Variants in COP1 observed in about 807,000 individuals in gnomAD.
COP1 encodes E3 ubiquitin-protein ligase COP1.
In COP1, 24 loss-of-function variants were observed where a neutral mutation model predicts 101.3. The ratio of observed to expected loss-of-function variants is 0.24; its 90% CI spans 0.17 to 0.33. COP1 has a LOEUF of 0.33. COP1 is among the 10% of genes least tolerant of loss of function. COP1 has a pLI of 1.00. For synonymous variants in COP1, 347 were observed against 341.9 expected (o/e 1.01, Z -0.17); for missense variants, 663 against 906.2 (o/e 0.73, Z 3.45).
At chr1:176,205,106 G>A (rs1700695230) in intron 1 of COP1, among the ~76,000 whole-genome samples, 1 of 152,046 alleles carries the variant, frequency 6.6e-6, no homozygotes, top group South Asian at 2.1e-4. Flanking sequence ...GTACTTACAC[G>A]GAGGCTAACA....
intron 18 of COP1, among the ~76,000 whole-genome samples, chr1:175,970,575 T>C (rs888261603): frequency 2.0e-5 from 3 of 152,162 alleles, no homozygotes; most frequent in Non-Finnish European, 4.4e-5. Context: ...CATTGTTCTA[T>C]ACTTATTATA....
intron 1 of COP1, among the ~76,000 whole-genome samples, chr1:176,198,242 A>G (rs1459984162): frequency 1.3e-5 from 2 of 152,206 alleles, no homozygotes; most frequent in Admixed American, 1.3e-4. Flanking sequence ...GATGTACTAT[A>G]ATAATACCAT....
At chr1:175,986,511 G>A (rs1165881747) in intron 18 of COP1, among the ~76,000 whole-genome samples, 1 of 151,682 alleles carries the variant, frequency 6.6e-6, no homozygotes, top group East Asian at 1.9e-4. Context: ...TTAATTAGAG[G>A]ACCATATAGG....
In COP1 at chr1:176,126,605, C is replaced by T. The variant is rs1051827940; in HGVS notation, c.968+8405G>A. On this transcript the variant is annotated intron_variant, in intron 8 of 19. Coordinates refer to ENST00000367669, the MANE Select transcript of COP1 (RefSeq NM_022457.7). ...CCGAGTAGCTGGGAATGCAGGTACG[C>T]GCCACCATGCCCAGCCTTCTGTATT... 5.1e-4 allele frequency among the ~76,000 whole-genome samples: 78 copies of T among 152,128 alleles called. 1 individual carries two copies. The highest frequency in any genetic ancestry group is 1.7e-3 in the African/African-American group (72 of 41,510).
intron 18 of COP1, among the ~76,000 whole-genome samples, chr1:175,984,733 A>G (rs1010359864): frequency 6.6e-6 from 1 of 152,206 alleles, no homozygotes; most frequent in Non-Finnish European, 1.5e-5. Context: ...GGTCTCCAAG[A>G]CTACGGGAAC....
intron 18 of COP1, among the ~76,000 whole-genome samples, chr1:175,947,997 A>G (rs1649401521): frequency 6.6e-6 from 1 of 152,222 alleles, no homozygotes; most frequent in Non-Finnish European, 1.5e-5. Flanking sequence ...ATGGATGGAC[A>G]TTTGGTATTA....
intron 4 of COP1, among the ~76,000 whole-genome samples, chr1:176,163,553 C>T (rs1558236989): frequency 6.6e-6 from 1 of 152,066 alleles, no homozygotes; most frequent in African/African-American, 2.4e-5. Flanking sequence ...GTTTCACCAC[C>T]CAAAATAATC....
intron 6 of COP1, among the ~76,000 whole-genome samples, chr1:176,148,610 G>A (rs1463332242): frequency 6.6e-6 from 1 of 152,016 alleles, no homozygotes; most frequent in African/African-American, 2.4e-5. Context: ...AGGTAGCTAT[G>A]TTTTTACTTG....
At chr1:176,107,065 C>T (rs1245539236) in intron 9 of COP1, among the ~76,000 whole-genome samples, 1 of 152,118 alleles carries the variant, frequency 6.6e-6, no homozygotes, top group Non-Finnish European at 1.5e-5. Flanking sequence ...TGCTGCTGGG[C>T]TGTTCTGTAT....
chr1:175,960,681 G>T (rs944721983), intron 18 of COP1, among the ~76,000 whole-genome samples: 1 of 152,144 alleles, frequency 6.6e-6, no homozygotes, highest in Non-Finnish European at 1.5e-5. Flanking sequence ...TCCACCAAAT[G>T]GTCAAGTTTG....
chr1:176,010,539 CTTA>C (rs1170373778), intron 15 of COP1, among the ~76,000 whole-genome samples: 1 of 152,112 alleles, frequency 6.6e-6, no homozygotes, highest in Non-Finnish European at 1.5e-5. Context: ...TAAATGTTTT[CTTA>C]TTATGTTCAA....
At chr1:176,030,682 A>G (rs930346711) in intron 14 of COP1, among the ~76,000 whole-genome samples, 1 of 152,228 alleles carries the variant, frequency 6.6e-6, no homozygotes. Context: ...AGGGTAACTA[A>G]GATTAAAAAT....
At chr1:176,149,182 G>T in intron 5 of COP1, 108 bp from the exon 6 acceptor site, 1 of 510,666 alleles carries the variant, frequency 2.0e-6, no homozygotes, top group Non-Finnish European at 3.4e-6. Context: ...ACCCATTTAA[G>T]TTCGTCTATT....
At chr1:176,149,126 G>C in intron 5 of COP1, 52 bp from the exon 6 acceptor site, 1 of 1,213,228 alleles carries the variant, frequency 8.2e-7, no homozygotes, top group Middle Eastern at 2.7e-4. Flanking sequence ...TGAGTTGAAA[G>C]TTTTCTTTAA....
intron 9 of COP1, among the ~76,000 whole-genome samples, chr1:176,094,850 A>G (rs1030704528): frequency 1.3e-5 from 2 of 152,218 alleles, no homozygotes; most frequent in Admixed American, 1.3e-4. Context: ...ACATGAAAAC[A>G]GAAAAGCAGC....
intron 1 of COP1, among the ~76,000 whole-genome samples, chr1:176,189,033 C>T (rs915220328): frequency 5.3e-5 from 8 of 152,172 alleles, no homozygotes; most frequent in African/African-American, 1.9e-4. Context: ...AACTCAGAAA[C>T]CCCTAAATAG....
intron 10 of COP1, among the ~76,000 whole-genome samples, chr1:176,084,267 A>C (rs1298487940): frequency 6.6e-6 from 1 of 152,162 alleles, no homozygotes; most frequent in Admixed American, 6.5e-5. Context: ...CTGCGCCCGG[A>C]CTGATTTTGG....
At chr1:176,095,452 G>C (rs1682165015) in intron 9 of COP1, among the ~76,000 whole-genome samples, 1 of 152,198 alleles carries the variant, frequency 6.6e-6, no homozygotes, top group Admixed American at 6.5e-5. Context: ...GGAGGCCAAG[G>C]CAGGCAGATT....
chr1:175,957,391 C>A (rs1185701230), intron 18 of COP1, among the ~76,000 whole-genome samples: 1 of 152,260 alleles, frequency 6.6e-6, no homozygotes, highest in East Asian at 1.9e-4. Context: ...TGTGTTACAA[C>A]TGCCTACACT....
Sources: allele counts gnomAD v4.1 joint callset (sites outside exome capture counted in the v4.1 genomes callset), GRCh38; gene constraint gnomAD v4.1.1; transcripts MANE v1.5; gene names NCBI Gene and HGNC (gene_info 2026-07-23, HGNC 2026-07-21).